FHIT: variants seen among roughly 807,000 people sequenced by gnomAD.
The protein encoded by FHIT is bis(5'-adenosyl)-triphosphatase.
In FHIT, 19 loss-of-function variants were observed where a neutral mutation model predicts 17.9. The observed-to-expected ratio is 1.06, with a 90% confidence interval of 0.74 to 1.56. The LOEUF is 1.56. Among genes scored for constraint, FHIT ranks in the 40% most tolerant of loss-of-function variants. FHIT has a pLI of 0.00. For synonymous variants in FHIT, 81 were observed against 69.7 expected, an observed-to-expected ratio of 1.16 and a Z score of -0.81; for missense variants, 248 against 189.2, an observed-to-expected ratio of 1.31 and a Z score of -1.82.
chr3:60,191,812 A>T (rs1702414714), intron 5 of FHIT, among the ~76,000 whole-genome samples: 1 of 152,224 alleles, frequency 6.6e-6, no homozygotes, highest in East Asian at 1.9e-4. Context: ...GATTTAAAAT[A>T]CTTTTAAAAA....
intron 5 of FHIT, among the ~76,000 whole-genome samples, chr3:60,130,899 A>C (rs1485817203): frequency 1.4e-5 from 2 of 145,042 alleles, no homozygotes; most frequent in Non-Finnish European, 3.1e-5. Flanking sequence ...ACACATACAC[A>C]TATATACACA....
intron 7 of FHIT, 50 bp downstream of exon 7, chr3:60,011,321 G>C (rs1046009735): frequency 2.5e-6 from 4 of 1,576,842 alleles, no homozygotes; most frequent in African/African-American, 1.3e-5. Flanking sequence ...TTTTTTATTA[G>C]TTCTCATAAT....
intron 5 of FHIT, among the ~76,000 whole-genome samples, chr3:60,447,617 T>C (rs1366475386): frequency 6.6e-6 from 1 of 152,116 alleles, no homozygotes; most frequent in Non-Finnish European, 1.5e-5. Flanking sequence ...AAATATTTGA[T>C]GGTAGATGGA....
intron 1 of FHIT, among the ~76,000 whole-genome samples, chr3:61,241,880 A>AAAATAAGTG (rs1266064373): frequency 2.0e-5 from 3 of 152,138 alleles, no homozygotes; most frequent in Non-Finnish European, 4.4e-5. Context: ...AAATACCCCT[A>AAAATAAGTG]AAATAAGTGA....
intron 3 of FHIT, among the ~76,000 whole-genome samples, chr3:60,832,539 T>C (rs868994708): frequency 1.3e-5 from 2 of 152,130 alleles, no homozygotes; most frequent in African/African-American, 4.8e-5. Context: ...ATTCCGCAGA[T>C]TGTGCCTTTA....
chr3:60,189,368 T>C (rs1425837805), intron 5 of FHIT, among the ~76,000 whole-genome samples: 2 of 152,208 alleles, frequency 1.3e-5, no homozygotes, highest in African/African-American at 4.8e-5. Flanking sequence ...CAATGTAATT[T>C]TCTTAAAGTC....
chr3:60,732,679 G>T (rs879946634), intron 4 of FHIT: 1 of 256,896 alleles, frequency 3.9e-6, no homozygotes, highest in Non-Finnish European at 7.4e-6. Context: ...CGTCTGCAAA[G>T]ACTGCTTTTT....
intron 5 of FHIT, among the ~76,000 whole-genome samples, chr3:60,181,967 C>G (rs779379348): frequency 1.3e-5 from 2 of 152,122 alleles, no homozygotes; most frequent in African/African-American, 2.4e-5. Context: ...ATGCAACAGC[C>G]TAGATAAATG....
At chr3:59,959,731 C>T (rs376675668) in intron 7 of FHIT, among the ~76,000 whole-genome samples, 33 of 152,310 alleles carry the variant, frequency 2.2e-4, no homozygotes, top group African/African-American at 7.5e-4. Context: ...AAAGCACAAA[C>T]ATCAATCAGT....
intron 5 of FHIT, among the ~76,000 whole-genome samples, chr3:60,093,539 G>A (rs1392883272): frequency 2.0e-5 from 3 of 152,110 alleles, no homozygotes; most frequent in Admixed American, 6.5e-5. Flanking sequence ...TGGGGATTAC[G>A]ACATGGAGGT....
At chr3:60,706,990 G>A (rs926412983) in intron 4 of FHIT, among the ~76,000 whole-genome samples, 18 of 152,144 alleles carry the variant, frequency 1.2e-4, no homozygotes, top group Non-Finnish European at 2.1e-4. Flanking sequence ...AGCCCAAGCC[G>A]GAAGAAAACT....
intron 4 of FHIT, among the ~76,000 whole-genome samples, chr3:60,672,350 G>A (rs1553694146): frequency 6.6e-6 from 1 of 150,852 alleles, no homozygotes; most frequent in East Asian, 1.9e-4. Flanking sequence ...ATTTGGGTAG[G>A]TAAAGGAAAA....
intron 4 of FHIT, among the ~76,000 whole-genome samples, chr3:60,792,106 C>T (rs377125150): frequency 3.0e-4 from 45 of 152,308 alleles, no homozygotes; most frequent in African/African-American, 9.6e-4. Context: ...GATGCCCTGA[C>T]GGCAGCAGAA....
chr3:60,842,611 ATACATATATATATGAGTG>A (rs797033082), intron 3 of FHIT, among the ~76,000 whole-genome samples: 30 of 129,788 alleles, frequency 2.3e-4, no homozygotes, highest in African/African-American at 9.0e-4. Flanking sequence ...GTATATATAT[ATACATATATATATGAGTG>A]TATATATATA....
At chr3:60,465,092 A>G (rs1470128524) in intron 5 of FHIT, among the ~76,000 whole-genome samples, 1 of 152,138 alleles carries the variant, frequency 6.6e-6, no homozygotes, top group African/African-American at 2.4e-5. Context: ...CTGGGATATT[A>G]CTGTAGTTTT....
At chr3:60,743,111 G>A (rs891398428) in intron 4 of FHIT, among the ~76,000 whole-genome samples, 1 of 151,770 alleles carries the variant, frequency 6.6e-6, no homozygotes, top group African/African-American at 2.4e-5. Flanking sequence ...CCCTGGCTTC[G>A]GACACAGTGC....
At chr3:60,714,533 C>G (rs1202435859) in intron 4 of FHIT, among the ~76,000 whole-genome samples, 1 of 152,142 alleles carries the variant, frequency 6.6e-6, no homozygotes, top group Non-Finnish European at 1.5e-5. Context: ...ATCTAGAAAA[C>G]CCCATTGCCT....
intron 8 of FHIT, among the ~76,000 whole-genome samples, chr3:59,898,374 T>A (rs556882639): frequency 6.6e-6 from 1 of 152,186 alleles, no homozygotes; most frequent in Non-Finnish European, 1.5e-5. Flanking sequence ...TAAGGGGCAG[T>A]CAATATGTAT....
In FHIT at chr3:59,858,003, G is replaced by A. The variant is rs144244920; in HGVS notation, c.348+64343C>T. Among the ~76,000 whole-genome samples, 12 of 152,148 alleles carry A rather than the reference G, an allele frequency of 7.9e-5. No individual in the cohort carries two copies. The East Asian group carries it at 2.1e-3, about 27-fold the overall frequency. ...CCCCTAATTGGAGTCTCAGCTTTAT[G>A]GCCAGTTGGCTCAGCTGAATATTAT... On this transcript the variant is annotated intron_variant, in intron 8 of 9. Coordinates refer to ENST00000492590, the MANE Select transcript of FHIT (RefSeq NM_002012.4).
Sources: allele counts gnomAD v4.1 joint callset (sites outside exome capture counted in the v4.1 genomes callset), GRCh38; gene constraint gnomAD v4.1.1; transcripts MANE v1.5; gene names NCBI Gene and HGNC (gene_info 2026-07-23, HGNC 2026-07-21).